Variants in UBE2E2 observed in about 807,000 individuals in gnomAD.
The protein encoded by UBE2E2 is ubiquitin-conjugating enzyme E2 E2.
UBE2E2 carries 6 observed loss-of-function variants against 24.7 expected under a neutral mutation model. The ratio of observed to expected loss-of-function variants is 0.24; its 90% CI spans 0.13 to 0.48. The LOEUF (loss-of-function observed/expected upper bound fraction) is 0.48, where lower values mean the gene tolerates loss of function less well. UBE2E2 is among the 20% of genes least tolerant of loss of function. UBE2E2 has a pLI of 0.99. For missense variants in UBE2E2, 169 were observed against 245.0 expected, an observed-to-expected ratio of 0.69 and a Z score of 2.07; for synonymous variants, 104 against 83.6, an observed-to-expected ratio of 1.24 and a Z score of -1.33.
At chr3:23,549,005 T>A (rs1358289621) in intron 5 of UBE2E2, among the ~76,000 whole-genome samples, 1 of 152,228 alleles carries the variant, frequency 6.6e-6, no homozygotes, top group Non-Finnish European at 1.5e-5. Context: ...TGAGTAATGT[T>A]GTAGTTCTTG....
intron 5 of UBE2E2, among the ~76,000 whole-genome samples, chr3:23,542,112 CGCATCACTGGGGCAAAG>C (rs1695407664): frequency 6.6e-6 from 1 of 152,138 alleles, no homozygotes; most frequent in Non-Finnish European, 1.5e-5. Flanking sequence ...TGAATAACCC[CGCATCACTGGGGCAAAG>C]GCATATTAGA....
intron 5 of UBE2E2, among the ~76,000 whole-genome samples, chr3:23,551,181 A>C (rs1018405095): frequency 6.6e-6 from 1 of 152,208 alleles, no homozygotes; most frequent in African/African-American, 2.4e-5. Context: ...ACATTCCATA[A>C]AATATTACCA....
chr3:23,266,878 C>G (rs567105002), intron 3 of UBE2E2, among the ~76,000 whole-genome samples: 249 of 152,278 alleles, frequency 1.6e-3, no homozygotes, highest in African/African-American at 5.7e-3. Context: ...TGCAATCAAA[C>G]TAGAACTCAG....
chr3:23,219,943 T>C (rs372782339), intron 3 of UBE2E2, among the ~76,000 whole-genome samples: 1 of 152,166 alleles, frequency 6.6e-6, no homozygotes, highest in Admixed American at 6.6e-5. Flanking sequence ...GACAACCCAA[T>C]ACTGTGTGTT....
intron 3 of UBE2E2, among the ~76,000 whole-genome samples, chr3:23,443,836 G>T (rs900875185): frequency 6.6e-6 from 1 of 152,044 alleles, no homozygotes; most frequent in East Asian, 1.9e-4. Context: ...ACGATATGAG[G>T]CCTCCATTTT....
At chr3:23,455,378 C>T (rs1698655985) in intron 3 of UBE2E2, among the ~76,000 whole-genome samples, 1 of 152,146 alleles carries the variant, frequency 6.6e-6, no homozygotes, top group Admixed American at 6.5e-5. Flanking sequence ...ATTAAGTGTG[C>T]AGTGACTTTA....
At chr3:23,376,768 G>C (rs779463504) in intron 3 of UBE2E2, among the ~76,000 whole-genome samples, 1 of 152,208 alleles carries the variant, frequency 6.6e-6, no homozygotes, top group Non-Finnish European at 1.5e-5. Flanking sequence ...AGAACATGTA[G>C]CTTGCCACAG....
chr3:23,573,032 CA>C (rs372859407), intron 5 of UBE2E2, among the ~76,000 whole-genome samples: 3,177 of 150,372 alleles, frequency 0.021, 124 homozygotes, highest in African/African-American at 0.072. Context: ...TTAGGGTTCT[CA>C]AAAAAAAATT....
At chr3:23,367,525 A>G (rs1393179593) in intron 3 of UBE2E2, among the ~76,000 whole-genome samples, 1 of 152,176 alleles carries the variant, frequency 6.6e-6, no homozygotes, top group Non-Finnish European at 1.5e-5. Context: ...GATCACGCAG[A>G]GGGTGGTATG....
intron 3 of UBE2E2, among the ~76,000 whole-genome samples, chr3:23,386,052 T>A (rs967357158): frequency 2.0e-5 from 3 of 152,158 alleles, no homozygotes; most frequent in Non-Finnish European, 2.9e-5. Context: ...GTGGATCATG[T>A]CTGAATGCTC....
rs1696532510 is a variant in UBE2E2, at chr3:23,583,327, T to C, written c.509-6407T>C. Reference sequence around the variant, plus strand: ...ACCAGTATCATGCTGTTTTGGTTACTATAGCCTTGTAGTATGCTTTGAAGT... The same window carrying C: ...ACCAGTATCATGCTGTTTTGGTTACCATAGCCTTGTAGTATGCTTTGAAGT... On this transcript the variant is annotated intron_variant, in intron 5 of 5. Coordinates refer to ENST00000396703, the MANE Select transcript of UBE2E2 (RefSeq NM_152653.4). The surrounding 1 kb of genome is among the most constrained non-coding windows in gnomAD (Gnocchi z 4.1). 1.3e-5 allele frequency among the ~76,000 whole-genome samples: 2 copies of C among 152,254 alleles called. No individual in the cohort carries two copies.
At chr3:23,239,445 C>T (rs1211304759) in intron 3 of UBE2E2, among the ~76,000 whole-genome samples, 1 of 152,092 alleles carries the variant, frequency 6.6e-6, no homozygotes. Context: ...TCCCCCCTCC[C>T]CCCCAGCTTC....
intron 3 of UBE2E2, among the ~76,000 whole-genome samples, chr3:23,478,752 A>T (rs1250559070): frequency 6.6e-6 from 1 of 152,110 alleles, no homozygotes; most frequent in Non-Finnish European, 1.5e-5. Context: ...ATTACAAAAA[A>T]TTAAGAGGTG....
intron 3 of UBE2E2, among the ~76,000 whole-genome samples, chr3:23,228,716 A>G (rs936640235): frequency 6.6e-6 from 1 of 152,204 alleles, no homozygotes; most frequent in Non-Finnish European, 1.5e-5. Context: ...CAGAATGTCT[A>G]CATACTTTAG....
intron 3 of UBE2E2, among the ~76,000 whole-genome samples, chr3:23,356,629 C>T (rs1392324999): frequency 6.6e-6 from 1 of 152,174 alleles, no homozygotes; most frequent in Non-Finnish European, 1.5e-5. Flanking sequence ...AAGTTTGCTC[C>T]TCATCAGTGT....
Position 23,215,321 on chromosome 3 carries a change from A to G in UBE2E2, c.177-1941A>G, listed in dbSNP as rs533712884. On this transcript the variant is annotated intron_variant, in intron 2 of 5. Coordinates refer to ENST00000396703, the MANE Select transcript of UBE2E2 (RefSeq NM_152653.4). ...GGCCAATAAATTATACATTTATTAT[A>G]ACTAAATATTCAATGCCAGACCAAA... 3.3e-5 allele frequency among the ~76,000 whole-genome samples: 5 copies of G among 152,246 alleles called. No homozygotes were observed. The East Asian group carries it at 9.7e-4, about 29-fold the overall frequency.
At chr3:23,357,035 G>T (rs1695975813) in intron 3 of UBE2E2, among the ~76,000 whole-genome samples, 1 of 152,216 alleles carries the variant, frequency 6.6e-6, no homozygotes, top group African/African-American at 2.4e-5. Context: ...TGCTATGGCA[G>T]GGAGGGGAGA....
At chr3:23,464,408 T>C (rs778472) in intron 3 of UBE2E2, among the ~76,000 whole-genome samples, 71,934 of 151,928 alleles carry the variant, frequency 0.47, 17,594 homozygotes, top group East Asian at 0.63. Flanking sequence ...ATCTGCATAA[T>C]ATCAACCATT....
At chr3:23,534,128 C>CT (rs1158079342) in intron 5 of UBE2E2, 45,212 of 438,390 alleles carry the variant, frequency 0.1, 3,292 homozygotes, top group African/African-American at 0.27. Context: ...TGCAAGAAGG[C>CT]TTTTTTTTTT....
Sources: gnomAD v4.1 joint callset for allele counts (sites outside exome capture counted in the v4.1 genomes callset) on GRCh38, gnomAD v4.1.1 for gene constraint, Gnocchi (gnomAD v3.1) non-coding constraint, MANE v1.5 for transcripts, NCBI Gene and HGNC (gene_info 2026-07-23, HGNC 2026-07-21) for gene names.